KLRG1: variants seen among roughly 807,000 people sequenced by gnomAD.
KLRG1 encodes the protein killer cell lectin like receptor G1.
In KLRG1, 16 loss-of-function variants were observed where a neutral mutation model predicts 21.8. The ratio of observed to expected loss-of-function variants is 0.73; its 90% CI spans 0.50 to 1.11. The LOEUF (loss-of-function observed/expected upper bound fraction) is 1.11, where lower values mean the gene tolerates loss of function less well. KLRG1 is among the 50% of genes most tolerant of loss of function. The probability of loss-of-function intolerance (pLI) is 0.00; values close to 1 mark genes in which losing one functional copy is unlikely to be tolerated. For synonymous variants in KLRG1, 69 were observed against 75.9 expected (o/e 0.91, Z 0.47); for missense variants, 173 against 218.3 (o/e 0.79, Z 1.31).
the KLRG1 span, among the ~76,000 whole-genome samples, chr12:9,190,906 A>G: frequency 6.6e-6 from 1 of 152,166 alleles, no homozygotes; most frequent in African/African-American, 2.4e-5. Context: ...TGTGAATAAA[A>G]TTTGTTCTTT....
the KLRG1 span, among the ~76,000 whole-genome samples, chr12:9,028,449 C>CTT: frequency 5.3e-4 from 76 of 144,418 alleles, no homozygotes; most frequent in Admixed American, 1.0e-3. Context: ...CACGCCAGGC[C>CTT]TTTTTTTTTT....
At chr12:9,211,995 A>G in the KLRG1 span, among the ~76,000 whole-genome samples, 2 of 152,152 alleles carry the variant, frequency 1.3e-5, no homozygotes, top group African/African-American at 4.8e-5. Context: ...TTTAGAGTCC[A>G]CAGATTGTAG....
At chr12:8,959,205 A>T (rs1398742325) in intron 1 of KLRG1, among the ~76,000 whole-genome samples, 1 of 152,178 alleles carries the variant, frequency 6.6e-6, no homozygotes, top group Non-Finnish European at 1.5e-5. Flanking sequence ...GCCATTACTT[A>T]GCTTGTTTTT....
intron 3 of KLRG1, among the ~76,000 whole-genome samples, chr12:8,999,845 G>A (rs1947253200): frequency 6.6e-6 from 1 of 152,064 alleles, no homozygotes. Flanking sequence ...TCAAGACCTG[G>A]CCAACATAGT....
the KLRG1 span, among the ~76,000 whole-genome samples, chr12:9,047,882 T>C: frequency 6.6e-6 from 1 of 152,182 alleles, no homozygotes; most frequent in Non-Finnish European, 1.5e-5. Flanking sequence ...CAAAAACCGA[T>C]AGAACTGCAA....
chr12:9,095,693 T>C, the KLRG1 span: 12 of 1,602,350 alleles, frequency 7.5e-6, no homozygotes, highest in East Asian at 2.2e-4. Flanking sequence ...TGGTAGCAGG[T>C]TGTAAACCTG....
chr12:9,077,237 G>T, the KLRG1 span: 2 of 1,094,136 alleles, frequency 1.8e-6, no homozygotes, highest in Non-Finnish European at 1.3e-6. Flanking sequence ...GCATTGCATA[G>T]AAAGAAAGCT....
At chr12:9,068,991 C>A in the KLRG1 span, 1 of 533,106 alleles carries the variant, frequency 1.9e-6, no homozygotes, top group Non-Finnish European at 3.3e-6. Context: ...AGAAATCTCT[C>A]AGAGGGGATG....
At chr12:8,981,286 GTCTTT>G (rs1430487185) in intron 1 of KLRG1, among the ~76,000 whole-genome samples, 1 of 151,886 alleles carries the variant, frequency 6.6e-6, no homozygotes, top group South Asian at 2.1e-4. Flanking sequence ...TTAAAATTCT[GTCTTT>G]TCTTCTACTT....
chr12:8,958,144 C>T (rs1259112558), intron 1 of KLRG1, among the ~76,000 whole-genome samples: 1 of 152,176 alleles, frequency 6.6e-6, no homozygotes, highest in African/African-American at 2.4e-5. Context: ...GCTCTTCTCC[C>T]AACATGGCCT....
chr12:9,118,166 A>G, the KLRG1 span, among the ~76,000 whole-genome samples: 1 of 152,252 alleles, frequency 6.6e-6, no homozygotes, highest in Non-Finnish European at 1.5e-5. Context: ...ATATACATGC[A>G]GCAGAGGCTG....
the KLRG1 span, among the ~76,000 whole-genome samples, chr12:9,086,085 A>G: frequency 6.6e-6 from 1 of 152,182 alleles, no homozygotes; most frequent in Non-Finnish European, 1.5e-5. Context: ...ATGAATACCA[A>G]TCCTTCTCAA....
At chr12:9,090,525 C>A in the KLRG1 span, 1 of 1,601,316 alleles carries the variant, frequency 6.2e-7, no homozygotes, top group African/African-American at 1.3e-5. Flanking sequence ...GGAAGGAGAA[C>A]AGAGGGAGAA....
the KLRG1 span, chr12:9,074,463 C>A: frequency 8.4e-7 from 1 of 1,183,738 alleles, no homozygotes; most frequent in Non-Finnish European, 1.2e-6. Flanking sequence ...AAGTTACTGT[C>A]ATCTGTATTT....
At chr12:9,200,582 A>C in the KLRG1 span, 1 of 745,662 alleles carries the variant, frequency 1.3e-6, no homozygotes, top group Non-Finnish European at 2.2e-6. Context: ...TATCAACTTT[A>C]AGATGGTAAG....
the KLRG1 span, among the ~76,000 whole-genome samples, chr12:9,038,692 G>T: frequency 6.6e-6 from 1 of 152,076 alleles, no homozygotes; most frequent in Non-Finnish European, 1.5e-5. Flanking sequence ...GAGGCTGGAG[G>T]GCTGCATCAC....
chr12:9,058,670 C>T, the KLRG1 span: 3 of 152,692 alleles, frequency 2.0e-5, no homozygotes, highest in East Asian at 1.9e-4. Context: ...AAATATCTCA[C>T]GTGAACAGAG....
chr12:9,173,876 C>T, the KLRG1 span, among the ~76,000 whole-genome samples: 2 of 152,110 alleles, frequency 1.3e-5, no homozygotes, highest in East Asian at 3.8e-4. Flanking sequence ...CAGATGGATG[C>T]ACAGCTGAAT....
the KLRG1 span, among the ~76,000 whole-genome samples, chr12:9,051,516 C>G: frequency 6.6e-6 from 1 of 152,200 alleles, no homozygotes; most frequent in African/African-American, 2.4e-5. Context: ...CGCTTCCTGT[C>G]TGTTGATGGC....
Sources: gnomAD v4.1 joint callset for allele counts (sites outside exome capture counted in the v4.1 genomes callset) on GRCh38, gnomAD v4.1.1 for gene constraint, MANE v1.5 for transcripts, NCBI Gene and HGNC (gene_info 2026-07-23, HGNC 2026-07-21) for gene names.